Variants in METTL4 observed in about 807,000 individuals in gnomAD.
METTL4 encodes the protein N(6)-adenine-specific methyltransferase METTL4.
In METTL4, 40 loss-of-function variants were observed where a neutral mutation model predicts 54.0. The ratio of observed to expected loss-of-function variants is 0.74; its 90% CI spans 0.58 to 0.96. The LOEUF (loss-of-function observed/expected upper bound fraction) is 0.96. Ranked by LOEUF, METTL4 falls within the 50% of genes least tolerant of loss-of-function variation. The pLI is 0.00. For missense variants in METTL4, 525 were observed against 549.0 expected, an observed-to-expected ratio of 0.96 and a Z score of 0.44; for synonymous variants, 169 against 183.8, an observed-to-expected ratio of 0.92 and a Z score of 0.65.
At chr18:2,553,269 A>T (rs2072189899) in intron 4 of METTL4, 1 of 152,248 alleles carries the variant, frequency 6.6e-6, no homozygotes, top group Non-Finnish European at 1.5e-5. Context: ...CCAACCTGGA[A>T]AAGTTCCTCG....
At chr18:2,556,286 A>G (rs1165643818) in intron 3 of METTL4, among the ~76,000 whole-genome samples, 1 of 150,458 alleles carries the variant, frequency 6.6e-6, no homozygotes, top group Non-Finnish European at 1.5e-5. Flanking sequence ...TCACAAGGGC[A>G]TTGCCTCGGC....
At chr18:2,550,138 T>C (rs928914297) in intron 5 of METTL4, among the ~76,000 whole-genome samples, 3 of 152,182 alleles carry the variant, frequency 2.0e-5, no homozygotes, top group African/African-American at 7.2e-5. Flanking sequence ...GGAACTAATT[T>C]TGCTACAGTA....
chr18:2,562,454 A>T (rs1403953214), intron 3 of METTL4, among the ~76,000 whole-genome samples: 2 of 202 alleles, frequency 9.9e-3, no homozygotes, highest in Non-Finnish European at 0.1. Flanking sequence ...GCAGGGACTC[A>T]AAACAGATAC....
rs2071929450 is a variant in METTL4, at chr18:2,537,566, C to T, written c.*1434G>A. The T allele has an allele frequency of 4.1e-6, 1 of 243,442 alleles. No individual in the cohort carries two copies. The highest frequency in any genetic ancestry group is 5.5e-5 in the Admixed American group (1 of 18,164). The allele number at this position is 243,442 out of a possible 1,614,324, so 15.1% of individuals were successfully genotyped here. A position where few individuals can be genotyped will look rare whatever the true frequency, so the allele number is the denominator to read the frequency against. On this transcript the variant is annotated 3_prime_UTR_variant, in exon 9 of 9. Transcript: ENST00000574538. ...TTGCTTCAAGTTTAATACCTTTTTC[C>T]TTTTAAATAACAAGTTAGAATAGCT...
rs907230995 is a variant in METTL4, at chr18:2,544,108, C to T, written c.1273+87G>A. On this transcript the variant is annotated intron_variant, in intron 8 of 8. Coordinates refer to ENST00000574538, the MANE Select transcript of METTL4 (RefSeq NM_022840.5). ...AACAACCTACGTCTGACTTAATTTCCGAATCTGTAGGCCGTTTAAATACTA... is the reference window on the plus strand; with the variant it reads ...AACAACCTACGTCTGACTTAATTTCTGAATCTGTAGGCCGTTTAAATACTA... 34 of 973,762 alleles carry T rather than the reference C, an allele frequency of 3.5e-5. No homozygotes were observed. The South Asian group carries it at 4.7e-4, about 14-fold the overall frequency. The allele number at this position is 973,762 out of a possible 1,614,324, so 60.3% of individuals were successfully genotyped here. A position where few individuals can be genotyped will look rare whatever the true frequency, so the allele number is the denominator to read the frequency against.
chr18:2,555,352 T>C (rs999154772), intron 3 of METTL4: 44 of 303,306 alleles, frequency 1.5e-4, no homozygotes, highest in African/African-American at 3.4e-4. Flanking sequence ...TTCTAATCTA[T>C]AGGGATTGCA....
At chr18:2,551,669 C>A (rs1181199105) in intron 5 of METTL4, among the ~76,000 whole-genome samples, 2 of 151,468 alleles carry the variant, frequency 1.3e-5, no homozygotes, top group East Asian at 3.9e-4. Flanking sequence ...GCATTCCAGC[C>A]TGGGCAACAG....
intron 3 of METTL4, among the ~76,000 whole-genome samples, chr18:2,557,029 T>C (rs974379737): frequency 5.9e-5 from 9 of 151,732 alleles, no homozygotes; most frequent in African/African-American, 2.2e-4. Flanking sequence ...CCCTAAGCAA[T>C]GGGAAAGAAA....
intron 5 of METTL4, among the ~76,000 whole-genome samples, chr18:2,551,923 G>A (rs531553406): frequency 2.0e-5 from 3 of 152,066 alleles, no homozygotes; most frequent in South Asian, 2.1e-4. Context: ...GGCCAGGCAC[G>A]GTGGCTCACG....
chr18:2,546,414 ATT>A (rs2072071215), intron 6 of METTL4, among the ~76,000 whole-genome samples: 1 of 152,160 alleles, frequency 6.6e-6, no homozygotes, highest in East Asian at 1.9e-4. Flanking sequence ...TACAAAAAAA[ATT>A]ATATATGGGG....
At chr18:2,548,484 A>G (rs1358129864) in intron 5 of METTL4, among the ~76,000 whole-genome samples, 1 of 152,210 alleles carries the variant, frequency 6.6e-6, no homozygotes, top group Non-Finnish European at 1.5e-5. Context: ...TTAAGCTCTG[A>G]GATCCCACTA....
chr18:2,553,940 T>C (rs1692883193), intron 4 of METTL4: 1 of 152,190 alleles, frequency 6.6e-6, no homozygotes, highest in East Asian at 1.9e-4. Context: ...GATGGCTTGA[T>C]AGCAATTAAA....
At chr18:2,550,750 T>C (rs934591973) in intron 5 of METTL4, among the ~76,000 whole-genome samples, 1 of 152,212 alleles carries the variant, frequency 6.6e-6, no homozygotes, top group African/African-American at 2.4e-5. Flanking sequence ...AGTCAAAAGA[T>C]ACTGAAGAAG....
At chr18:2,560,379 T>G (rs1239762720) in intron 3 of METTL4, among the ~76,000 whole-genome samples, 1 of 152,156 alleles carries the variant, frequency 6.6e-6, no homozygotes, top group Non-Finnish European at 1.5e-5. Context: ...AAAGAACAAA[T>G]TATCCCAATT....
At chr18:2,550,545 G>C (rs553179285) in intron 5 of METTL4, among the ~76,000 whole-genome samples, 1 of 152,262 alleles carries the variant, frequency 6.6e-6, no homozygotes, top group East Asian at 1.9e-4. Flanking sequence ...CCCAGAGTTA[G>C]CCAAACTGCA....
intron 5 of METTL4, among the ~76,000 whole-genome samples, chr18:2,549,982 G>A (rs899739719): frequency 6.6e-5 from 10 of 151,332 alleles, no homozygotes; most frequent in East Asian, 1.9e-4. Context: ...CGACAACAGC[G>A]AAACTCTGTC....
At chr18:2,539,783 A>G in intron 8 of METTL4, 1 of 949,384 alleles carries the variant, frequency 1.1e-6, no homozygotes, top group Non-Finnish European at 1.3e-6. Context: ...CACCCAGCCA[A>G]TTTATTTTTA....
chr18:2,546,358 T>A (rs1208095220), intron 6 of METTL4, among the ~76,000 whole-genome samples: 1 of 152,106 alleles, frequency 6.6e-6, no homozygotes, highest in Non-Finnish European at 1.5e-5. Context: ...TAGTTATTGT[T>A]TATCTCTCTA....
intron 2 of METTL4, among the ~76,000 whole-genome samples, chr18:2,564,925 C>T (rs958712691): frequency 6.6e-6 from 1 of 152,070 alleles, no homozygotes; most frequent in African/African-American, 2.4e-5. Context: ...TTACTAAGAC[C>T]TCGGACAATG....
Sources: gnomAD v4.1 joint callset for allele counts (sites outside exome capture counted in the v4.1 genomes callset) on GRCh38, gnomAD v4.1.1 for gene constraint, MANE v1.5 for transcripts, NCBI Gene and HGNC (gene_info 2026-07-23, HGNC 2026-07-21) for gene names.